MVB12B: variants seen among roughly 807,000 people sequenced by gnomAD.
The protein encoded by MVB12B is multivesicular body subunit 12B.
MVB12B carries 16 observed loss-of-function variants against 41.6 expected under a neutral mutation model. That is an observed-to-expected ratio of 0.38 (90% CI 0.26 to 0.58). The LOEUF is 0.58. Ranked by LOEUF, MVB12B falls within the 20% of genes least tolerant of loss-of-function variation. The pLI is 0.62. For synonymous variants in MVB12B, 133 were observed against 139.7 expected, an observed-to-expected ratio of 0.95 and a Z score of 0.34; for missense variants, 274 against 380.2, an observed-to-expected ratio of 0.72 and a Z score of 2.32.
intron 7 of MVB12B, among the ~76,000 whole-genome samples, chr9:126,469,669 G>A (rs921487725): frequency 2.0e-5 from 3 of 152,302 alleles, no homozygotes; most frequent in Admixed American, 6.5e-5. Flanking sequence ...TAGTGGTAAC[G>A]TATCTGCATT....
chr9:126,378,392 A>G (rs1830541322), intron 2 of MVB12B, among the ~76,000 whole-genome samples: 1 of 152,158 alleles, frequency 6.6e-6, no homozygotes, highest in Non-Finnish European at 1.5e-5. Context: ...CTCTGGGTAC[A>G]TCTTGTTGCT....
chr9:126,477,914 T>C (rs2119200343), intron 7 of MVB12B, among the ~76,000 whole-genome samples: 1 of 152,300 alleles, frequency 6.6e-6, no homozygotes, highest in Non-Finnish European at 1.5e-5. Context: ...GCTACTGTAG[T>C]CAGAAAGCCA....
chr9:126,336,131 C>A (rs566647338), intron 1 of MVB12B, among the ~76,000 whole-genome samples: 1 of 152,368 alleles, frequency 6.6e-6, no homozygotes, highest in South Asian at 2.1e-4. Flanking sequence ...CTTTAAACTC[C>A]TCGGCCCACA....
At chr9:126,379,876 C>T (rs1830587517) in intron 2 of MVB12B, among the ~76,000 whole-genome samples, 2 of 152,194 alleles carry the variant, frequency 1.3e-5, no homozygotes, top group South Asian at 2.1e-4. Context: ...TGTGCAGAGC[C>T]TGCAGTCAGT....
intron 7 of MVB12B, among the ~76,000 whole-genome samples, chr9:126,439,265 C>T (rs1303880378): frequency 1.3e-5 from 2 of 151,436 alleles, no homozygotes; most frequent in African/African-American, 4.9e-5. Context: ...CTCACAGGGT[C>T]CGCTGGGGGT....
In MVB12B at chr9:126,486,963, G is replaced by T. The variant is rs1160037154; in HGVS notation, c.873+2931G>T. ...CCCAGTGTGGGGTCCAGGGCGGGTG[G>T]TGGGAACCCTGCAAACCTTATTCTC... is the stretch of plus-strand genomic sequence containing the variant. On this transcript the variant is annotated intron_variant, in intron 9 of 9. Coordinates refer to ENST00000361171, the MANE Select transcript of MVB12B (RefSeq NM_033446.3). The surrounding 1 kb of genome is among the most constrained non-coding windows in gnomAD (Gnocchi z 4.7). Among the ~76,000 whole-genome samples, 2 of 152,110 alleles carry T rather than the reference G, an allele frequency of 1.3e-5. No homozygotes were observed. Among genetic ancestry groups the T allele is most frequent in the African/African-American group, 4.8e-5 (2 of 41,420 alleles).
At position 126,505,077 on chromosome 9, in the gene MVB12B, C is replaced by T. The variant is rs990120015; in HGVS notation, c.*1814C>T. On this transcript the variant is annotated 3_prime_UTR_variant, in exon 10 of 10. Transcript: ENST00000361171. ...GTGGGGGCAGCAGGAGGGCAGAGGG[C>T]AGAGCTCTGGCCACTTCTGCCCACT... The T allele has an allele frequency of 6.6e-6, 1 of 152,332 alleles. No individual in the cohort carries two copies. Among genetic ancestry groups the T allele is most frequent in the Non-Finnish European group, 1.5e-5 (1 of 68,104 alleles). The allele number at this position is 152,332 out of a possible 1,614,324, so 9.4% of individuals were successfully genotyped here.
At chr9:126,482,598 G>T (rs1490524510) in intron 8 of MVB12B, among the ~76,000 whole-genome samples, 5 of 152,128 alleles carry the variant, frequency 3.3e-5, no homozygotes, top group Non-Finnish European at 7.3e-5. Flanking sequence ...GGAGAATTTA[G>T]TGGGGTGGTT....
rs145275403 is a variant in MVB12B, at chr9:126,387,603, A to G, written c.409+945A>G. 7.4e-3 allele frequency among the ~76,000 whole-genome samples: 1,131 copies of G among 152,258 alleles called. 13 individuals carry two copies. The highest frequency in any genetic ancestry group is 9.9e-3 in the Non-Finnish European group (673 of 68,024). On this transcript the variant is annotated intron_variant, in intron 4 of 9. Transcript: ENST00000361171. ...AAACCAGCAGACCCCGTTGTATAGC[A>G]TATTTTTATTTTCCTGATGGTCTCT...
intron 7 of MVB12B, among the ~76,000 whole-genome samples, chr9:126,471,547 C>T (rs1297100813): frequency 6.6e-6 from 1 of 152,216 alleles, no homozygotes; most frequent in East Asian, 1.9e-4. Flanking sequence ...ACTGAGCAGA[C>T]AGCTCTGGAG....
At chr9:126,456,398 T>A (rs756986186) in intron 7 of MVB12B, among the ~76,000 whole-genome samples, 1 of 152,214 alleles carries the variant, frequency 6.6e-6, no homozygotes, top group Non-Finnish European at 1.5e-5. Context: ...AAAACTGACA[T>A]CATTCATAAA....
In MVB12B at chr9:126,340,565, A is replaced by G. The variant is rs370526944; in HGVS notation, c.139A>G (p.Met47Val). The G allele has an allele frequency of 2.7e-5, 43 of 1,614,094 alleles. No individual in the cohort carries two copies. The highest frequency in any genetic ancestry group is 6.7e-5 in the East Asian group (3 of 44,900). The change falls in exon 2 of 10, where the codon ATG becomes GTG. Residue 47 changes from methionine (M) to valine (V), a missense_variant. Transcript: ENST00000361171. This position sits in a 1 kb window ranked among gnomAD's most constrained non-coding sequence, Gnocchi z 4.0. ...DLSEALPETS[M>V]DPITGVGVVA... ...CTCAGAAGCCTTGCCAGAAACGTCAATGGATCCCATCACGGGAGTCGGGGT... is the reference window on the plus strand; with the variant it reads ...CTCAGAAGCCTTGCCAGAAACGTCAGTGGATCCCATCACGGGAGTCGGGGT...
At position 126,372,091 on chromosome 9, in the gene MVB12B, G is replaced by T. The variant is rs145222345; in HGVS notation, c.205-8973G>T. On this transcript the variant is annotated intron_variant, in intron 2 of 9. Coordinates refer to ENST00000361171, the MANE Select transcript of MVB12B (RefSeq NM_033446.3). ...GCACCAATCCACTTTCTGTCTCTAG[G>T]GATTTCCCATTTCTAGACTTTTCAT... Among the ~76,000 whole-genome samples the T allele has an allele frequency of 1.4e-3, 212 of 152,142 alleles. 2 individuals are homozygous for T. Among genetic ancestry groups the T allele is most frequent in the African/African-American group, 4.9e-3 (203 of 41,518 alleles).
intron 8 of MVB12B, among the ~76,000 whole-genome samples, 165 bp downstream of exon 8, chr9:126,481,589 C>A (rs779326751): frequency 3.3e-5 from 5 of 152,200 alleles, no homozygotes; most frequent in Non-Finnish European, 5.9e-5. Context: ...AAGCTGAACC[C>A]TGCAACCCAG....
At chr9:126,463,241 G>A (rs1273818947) in intron 7 of MVB12B, among the ~76,000 whole-genome samples, 3 of 152,120 alleles carry the variant, frequency 2.0e-5, no homozygotes, top group Non-Finnish European at 4.4e-5. Flanking sequence ...CCGTCTCCAA[G>A]AGGCGTGAGT....
chr9:126,492,691 A>G (rs538995505), intron 9 of MVB12B, among the ~76,000 whole-genome samples: 15 of 152,180 alleles, frequency 9.9e-5, no homozygotes, highest in Non-Finnish European at 2.2e-4. Context: ...AAATAAAAAA[A>G]TTATCCAGGC....
Position 126,326,953 on chromosome 9 carries a change from A to G in MVB12B, c.24A>G (p.Arg8=). 1 of 270,594 alleles carries G rather than the reference A, an allele frequency of 3.7e-6. No individual in the cohort carries two copies. Among genetic ancestry groups the G allele is most frequent in the Non-Finnish European group, 7.4e-6 (1 of 134,794 alleles). The allele number at this position is 270,594 out of a possible 1,614,324, so 16.8% of individuals were successfully genotyped here. A position where few individuals can be genotyped will look rare whatever the true frequency, so the allele number is the denominator to read the frequency against. ...CGATGAGAAGCTGCTTCTGCGTGAG[A>G]CGGAGCCGGGACCCGCCGCCGCCGC... MRSCFCV[R]RSRDPPPPQP... The change falls in exon 1 of 10, where the codon AGA becomes AGG. Residue 8 remains arginine, a synonymous_variant. Coordinates refer to ENST00000361171, the MANE Select transcript of MVB12B (RefSeq NM_033446.3).
chr9:126,428,278 T>A (rs1409365216), intron 7 of MVB12B, among the ~76,000 whole-genome samples: 1 of 152,196 alleles, frequency 6.6e-6, no homozygotes, highest in Non-Finnish European at 1.5e-5. Context: ...CTAGTCCTCA[T>A]TTAAATTGGA....
intron 6 of MVB12B, chr9:126,396,622 C>G (rs1437113736): frequency 1.0e-6 from 1 of 985,368 alleles, no homozygotes; most frequent in African/African-American, 1.7e-5. Flanking sequence ...TCCTCTGTGC[C>G]AAGCCTCCGT....
Sources: allele counts gnomAD v4.1 joint callset (sites outside exome capture counted in the v4.1 genomes callset), GRCh38; gene constraint gnomAD v4.1.1; non-coding constraint Gnocchi (gnomAD v3.1); transcripts MANE v1.5; gene names NCBI Gene and HGNC (gene_info 2026-07-23, HGNC 2026-07-21).